FNDC3A: variants seen among roughly 807,000 people sequenced by gnomAD.
The protein encoded by FNDC3A is fibronectin type III domain containing 3A.
Under a neutral mutation model 148.9 loss-of-function variants are expected in FNDC3A, and 32 were observed. The observed-to-expected ratio is 0.21, with a 90% confidence interval of 0.16 to 0.29. FNDC3A has a LOEUF of 0.29. Among genes scored for constraint, FNDC3A ranks in the 10% least tolerant of loss-of-function variants. The pLI is 1.00. For missense variants in FNDC3A, 1,191 were observed against 1,452.8 expected, an observed-to-expected ratio of 0.82 and a Z score of 2.93; for synonymous variants, 472 against 473.6, an observed-to-expected ratio of 1.00 and a Z score of 0.04.
chr13:49,075,915 C>T (rs1033618080), intron 3 of FNDC3A, among the ~76,000 whole-genome samples: 2 of 149,102 alleles, frequency 1.3e-5, no homozygotes, highest in African/African-American at 4.9e-5. Context: ...TGAGCATCTC[C>T]TTAGTACTGT....
intron 11 of FNDC3A, among the ~76,000 whole-genome samples, 194 bp from the exon 12 acceptor site, chr13:49,174,241 C>T (rs942295057): frequency 3.3e-5 from 5 of 152,090 alleles, no homozygotes; most frequent in African/African-American, 9.7e-5. Flanking sequence ...TACAAAGATA[C>T]CTGCTCTCTG....
chr13:49,128,264 GC>G (rs1192017245), intron 4 of FNDC3A, among the ~76,000 whole-genome samples: 2 of 152,194 alleles, frequency 1.3e-5, no homozygotes, highest in Admixed American at 1.3e-4. Flanking sequence ...ATCATCTCTT[GC>G]CTAGATTACT....
intron 5 of FNDC3A, among the ~76,000 whole-genome samples, chr13:49,133,468 T>C (rs1882154049): frequency 6.6e-6 from 1 of 152,116 alleles, no homozygotes; most frequent in African/African-American, 2.4e-5. Flanking sequence ...ATCCACAAAT[T>C]AGCTACCCAG....
intron 4 of FNDC3A, among the ~76,000 whole-genome samples, chr13:49,128,580 A>T (rs1029346067): frequency 6.6e-6 from 1 of 152,112 alleles, no homozygotes; most frequent in Non-Finnish European, 1.5e-5. Context: ...GAAACACTAG[A>T]TTTTATCACT....
chr13:49,113,531 A>G (rs1436613798), intron 3 of FNDC3A, among the ~76,000 whole-genome samples: 1 of 152,098 alleles, frequency 6.6e-6, no homozygotes, highest in East Asian at 1.9e-4. Flanking sequence ...TAATATTAAC[A>G]GAGTTACTTG....
chr13:49,172,977 G>C (rs140753839), intron 11 of FNDC3A, among the ~76,000 whole-genome samples: 1 of 152,286 alleles, frequency 6.6e-6, no homozygotes, highest in Admixed American at 6.5e-5. Context: ...AGTTACTTTT[G>C]CACCAACCTA....
chr13:49,124,040 A>G (rs1331384502), intron 4 of FNDC3A, among the ~76,000 whole-genome samples: 1 of 152,154 alleles, frequency 6.6e-6, no homozygotes, highest in East Asian at 1.9e-4. Context: ...GACCATGCAC[A>G]TGTATGTTTA....
At chr13:49,033,308 A>G (rs534893478) in intron 2 of FNDC3A, among the ~76,000 whole-genome samples, 1 of 152,332 alleles carries the variant, frequency 6.6e-6, no homozygotes, top group African/African-American at 2.4e-5. Context: ...TGATATAGTC[A>G]TGTACAACAG....
At position 49,191,302 on chromosome 13, in the gene FNDC3A, G is replaced by A. The variant is rs1160015230; in HGVS notation, c.2144G>A (p.Gly715Asp). The A allele has an allele frequency of 6.2e-7, 1 of 1,613,802 alleles. No individual in the cohort carries two copies. The highest frequency in any genetic ancestry group is 1.1e-5 in the South Asian group (1 of 91,000). ...EKDEPREVYQGSEVECTVSSL... is the reference protein window; with the variant it reads ...EKDEPREVYQDSEVECTVSSL... ...GATGAACCTAGAGAAGTTTACCAAG[G>A]TTCTGAAGTAGAATGTACAGTGAGC... Residue 715 changes from glycine (G) to aspartate (D), a missense_variant, in exon 19 of 26, where the codon GGT becomes GAT. Around this residue, in one of 3 missense-constraint regions of FNDC3A, gnomAD observed 751 missense variants for 944.0 expected, o/e 0.80. Coordinates refer to ENST00000492622, the MANE Select transcript of FNDC3A (RefSeq NM_001079673.2).
intron 7 of FNDC3A, among the ~76,000 whole-genome samples, chr13:49,144,852 T>G (rs1052184316): frequency 1.3e-5 from 2 of 152,208 alleles, no homozygotes; most frequent in Admixed American, 6.5e-5. Flanking sequence ...GTGTATGTAC[T>G]GCTTTCCAGC....
intron 2 of FNDC3A, among the ~76,000 whole-genome samples, chr13:49,020,187 T>C (rs1307000698): frequency 6.6e-6 from 1 of 152,162 alleles, no homozygotes; most frequent in Admixed American, 6.5e-5. Context: ...ATGTTATTAA[T>C]GCAGATTAAA....
At chr13:49,090,055 G>A (rs545217345) in intron 3 of FNDC3A, among the ~76,000 whole-genome samples, 38 of 152,250 alleles carry the variant, frequency 2.5e-4, no homozygotes, top group African/African-American at 8.2e-4. Context: ...TCACCACCAT[G>A]TCCATGTGCC....
intron 1 of FNDC3A, among the ~76,000 whole-genome samples, chr13:48,982,229 G>A (rs566015384): frequency 5.3e-5 from 8 of 151,920 alleles, no homozygotes; most frequent in East Asian, 1.9e-4. Context: ...CATAATTTGC[G>A]ATTTTATGTT....
intron 2 of FNDC3A, among the ~76,000 whole-genome samples, chr13:49,041,459 C>T (rs1388524228): frequency 1.3e-5 from 2 of 152,120 alleles, no homozygotes; most frequent in East Asian, 3.9e-4. Context: ...TAATCAGTTC[C>T]ACACCCTTCC....
chr13:49,044,756 A>G lies in FNDC3A; in HGVS notation c.100-30533A>G, dbSNP rs1008610604. On this transcript the variant is annotated intron_variant, in intron 2 of 25. Transcript: ENST00000492622. ...GATATAGCAATAGCTAAGTTTGGAG[A>G]CATAAAGCTGGTAGGCAGAAGTCAG... 1.7e-5 allele frequency: 7 copies of G among 423,074 alleles called. 1 individual carries two copies. The highest frequency in any genetic ancestry group is 4.0e-5 in the South Asian group (2 of 50,594). The allele number at this position is 423,074 out of a possible 1,614,324, so 26.2% of individuals were successfully genotyped here.
intron 2 of FNDC3A, among the ~76,000 whole-genome samples, chr13:49,035,744 G>A (rs1320372911): frequency 6.6e-6 from 1 of 151,984 alleles, no homozygotes; most frequent in African/African-American, 2.4e-5. Context: ...CTAACATATA[G>A]TAGTTACCCA....
chr13:49,043,969 C>T (rs1045176635), intron 2 of FNDC3A: 1 of 152,156 alleles, frequency 6.6e-6, no homozygotes. Flanking sequence ...GAAGAATTAA[C>T]AAATTGTTTG....
At chr13:49,159,653 A>G (rs1406929144) in intron 8 of FNDC3A, among the ~76,000 whole-genome samples, 4 of 152,192 alleles carry the variant, frequency 2.6e-5, no homozygotes, top group African/African-American at 7.2e-5. Context: ...TTCCAACACT[A>G]TGTTGAATAG....
intron 3 of FNDC3A, among the ~76,000 whole-genome samples, chr13:49,094,673 G>A (rs528256631): frequency 1.3e-4 from 20 of 152,112 alleles, no homozygotes; most frequent in East Asian, 9.6e-4. Flanking sequence ...TAAGGAATTC[G>A]ATGAAGTGAG....
Sources: allele counts gnomAD v4.1 joint callset (sites outside exome capture counted in the v4.1 genomes callset), GRCh38; gene constraint gnomAD v4.1.1; regional missense constraint gnomAD v4.1.1; transcripts MANE v1.5; gene names NCBI Gene and HGNC (gene_info 2026-07-23, HGNC 2026-07-21).